The following EOLA1 variants were observed in gnomAD, a reference collection of about 807,000 sequenced individuals.
The protein encoded by EOLA1 is protein EOLA1.
A neutral mutation model predicts 4.5 loss-of-function variants in EOLA1; 1 was observed. That is an observed-to-expected ratio of 0.22 (90% CI 0.08 to 1.05). EOLA1 has a LOEUF of 1.05. EOLA1 is among the 50% of genes least tolerant of loss of function. The pLI, the probability that EOLA1 is intolerant of heterozygous loss-of-function variation, is 0.57. For missense variants in EOLA1, 69 were observed against 127.2 expected (o/e 0.54, Z 2.20); for synonymous variants, 37 against 52.3 (o/e 0.71, Z 1.26).
chrX:149,543,931 C>T (rs1422690277), intron 2 of EOLA1, among the ~76,000 whole-genome samples: 2 of 47,303 alleles, frequency 4.2e-5, no homozygotes, highest in African/African-American at 1.8e-4. Flanking sequence ...GGCATGAGGC[C>T]GGCCATGGGT....
intron 2 of EOLA1, chrX:149,545,034 G>T: frequency 1.5e-6 from 1 of 687,952 alleles, no homozygotes. Flanking sequence ...ATGTCTGACT[G>T]AGGGCCATCT....
At chrX:149,541,500 T>G (rs2089727955) in intron 1 of EOLA1, 157 bp downstream of exon 1, 1 of 112,615 alleles carries the variant, frequency 8.9e-6, no homozygotes, top group Non-Finnish European at 1.9e-5. Flanking sequence ...AGAAAGCCCG[T>G]GTACTGCTCC....
At chrX:149,549,164 C>T (rs1557348474), downstream of EOLA1, among the ~76,000 whole-genome samples, 1 of 111,533 alleles carries the variant, frequency 9.0e-6, no homozygotes, top group Non-Finnish European at 1.9e-5. Flanking sequence ...ATGATGCTTA[C>T]ATTATCTCTA....
chrX:149,550,155 TC>T (rs1341507655), downstream of EOLA1: 1 of 89,395 alleles, frequency 1.1e-5, no homozygotes, highest in African/African-American at 4.3e-5. Flanking sequence ...TGGTTCAAGT[TC>T]CCAGAAAAGT....
intron 4 of EOLA1, 25 bp from the exon 5 acceptor site, chrX:149,546,714 C>G (rs374116725): frequency 1.7e-6 from 2 of 1,175,756 alleles, no homozygotes; most frequent in Non-Finnish European, 2.3e-6. Flanking sequence ...GAAAGGCATT[C>G]ATGTGTATCT....
Position 149,547,012 on chromosome X carries a change from G to C in EOLA1, c.*50G>C. The C allele has an allele frequency of 1.7e-6, 2 of 1,206,279 alleles. No individual in the cohort carries two copies. Among genetic ancestry groups the C allele is most frequent in the Non-Finnish European group, 1.1e-6 (1 of 892,023 alleles). ...GTTCCAGAGAAACCAGCTAAATCAT[G>C]ACACCTTCAATTTGCCATCATGACG... is the stretch of plus-strand genomic sequence containing the variant. On this transcript the variant is annotated 3_prime_UTR_variant, in exon 5 of 5. Transcript: ENST00000393985.
chrX:149,550,361 T>TG (rs2089903320), downstream of EOLA1: 1 of 64,615 alleles, frequency 1.5e-5, no homozygotes, highest in Non-Finnish European at 2.7e-5. Flanking sequence ...GGACCCCTCA[T>TG]GGGTGACTGC....
At chrX:149,554,120 CTT>C (rs2089915337), downstream of EOLA1, among the ~76,000 whole-genome samples, 4 of 53,928 alleles carry the variant, frequency 7.4e-5, no homozygotes, top group Admixed American at 4.9e-4. Context: ...GGGAGGGTGC[CTT>C]GTTGACCATG....
chrX:149,548,072 T>C lies in EOLA1; in HGVS notation c.*1110T>C, dbSNP rs1474019423. On this transcript the variant is annotated 3_prime_UTR_variant, in exon 5 of 5. Coordinates refer to ENST00000393985, the MANE Select transcript of EOLA1 (RefSeq NM_001171907.3). ...CTTCCTAGCAACATCCTTTGCTGAG[T>C]GTGTGAAAATGCTGCTTCTCCAAAT... is the stretch of plus-strand genomic sequence containing the variant. The C allele has an allele frequency of 2.0e-5, 3 of 146,903 alleles. No individual in the cohort carries two copies. The highest frequency in any genetic ancestry group is 3.4e-5 in the African/African-American group (1 of 29,082). 12.1% of individuals were successfully genotyped at this position (146,903 alleles called of 1,213,427 possible).
Position 149,541,211 on chromosome X carries a change from G to A in EOLA1, c.-362G>A, listed in dbSNP as rs1291044482. ...GCAGAGGACTGTTCATTCCTGTGGC[G>A]AAAAGCCGGAGTCGGCCCTAGACAC... is the stretch of plus-strand genomic sequence containing the variant. On this transcript the variant is annotated 5_prime_UTR_variant, in exon 1 of 5. Coordinates refer to ENST00000393985, the MANE Select transcript of EOLA1 (RefSeq NM_001171907.3). The A allele has an allele frequency of 2.7e-5, 3 of 113,158 alleles. No homozygotes were observed. Among genetic ancestry groups the A allele is most frequent in the Admixed American group, 9.3e-5 (1 of 10,717 alleles). The allele number at this position is 113,158 out of a possible 1,213,427, so 9.3% of individuals were successfully genotyped here. A position where few individuals can be genotyped will look rare whatever the true frequency, so the allele number is the denominator to read the frequency against.
At position 149,545,881 on chromosome X, in the gene EOLA1, C is replaced by T; in HGVS notation, c.251C>T (p.Ala84Val). 6 of 1,205,113 alleles carry T rather than the reference C, an allele frequency of 5.0e-6. No homozygotes were observed. The highest frequency in any genetic ancestry group is 5.6e-6 in the Non-Finnish European group (5 of 890,383). ...GAAAAGTTTGGTCGAGGAGTGATAG[C>T]GGGTAAGTGACAATGTACCAAATGC... ...KGEKFGRGVIAGLVDIGETLQ... is the reference protein window; with the variant it reads ...KGEKFGRGVIVGLVDIGETLQ... The change falls in exon 4 of 5, where the codon GCG becomes GTG. Residue 84 changes from alanine (A) to valine (V), a missense_variant and splice_region_variant. Coordinates refer to ENST00000393985, the MANE Select transcript of EOLA1 (RefSeq NM_001171907.3).
intron 4 of EOLA1, among the ~76,000 whole-genome samples, chrX:149,546,229 AAGC>A (rs1184288284): frequency 2.0e-5 from 2 of 99,241 alleles, no homozygotes; most frequent in Non-Finnish European, 4.1e-5. Context: ...AGACCATGAA[AAGC>A]AGCCCAGCCC....
downstream of EOLA1, chrX:149,549,333 G>T (rs2089895563): frequency 8.9e-7 from 1 of 1,127,351 alleles, no homozygotes; most frequent in Non-Finnish European, 1.2e-6. Context: ...GTTTGAGAAA[G>T]AGAGAAAAGG....
In EOLA1 at chrX:149,548,228, A is replaced by C. The variant is rs2089885037; in HGVS notation, c.*1266A>C. ...ACAACAGTTCTCATTTAAATTGTTT[A>C]TTATTTATTTCCATGGAATTTTGTT... On this transcript the variant is annotated 3_prime_UTR_variant, in exon 5 of 5. Transcript: ENST00000393985. 1 of 372,922 alleles carries C rather than the reference A, an allele frequency of 2.7e-6. No individual in the cohort carries two copies. The highest frequency in any genetic ancestry group is 4.1e-6 in the Non-Finnish European group (1 of 242,976). The allele number at this position is 372,922 out of a possible 1,213,427, so 30.7% of individuals were successfully genotyped here. A position where few individuals can be genotyped will look rare whatever the true frequency, so the allele number is the denominator to read the frequency against.
rs185536518 is a variant in EOLA1, at chrX:149,541,034, A to T, written c.-539A>T. ...AGCGGAAGAGTTATAGACCGCTAACACCTGTCACTGGCCACTGGTTTCCCG... is the reference window on the plus strand; with the variant it reads ...AGCGGAAGAGTTATAGACCGCTAACTCCTGTCACTGGCCACTGGTTTCCCG... On this transcript the variant is annotated 5_prime_UTR_variant, in exon 1 of 5. Transcript: ENST00000393985. 1 of 112,736 alleles carries T rather than the reference A, an allele frequency of 8.9e-6. No individual in the cohort carries two copies. The highest frequency in any genetic ancestry group is 2.8e-4 in the East Asian group (1 of 3,566). The allele number at this position is 112,736 out of a possible 1,213,427, so 9.3% of individuals were successfully genotyped here.
chrX:149,545,057 C>T (rs781858639), intron 2 of EOLA1: 47 of 686,963 alleles, frequency 6.8e-5, no homozygotes, highest in Admixed American at 9.0e-5. Context: ...GGTCACGGTG[C>T]ATCCTGAGGA....
At position 149,547,667 on chromosome X, in the gene EOLA1, A is replaced by C. The variant is rs1191878050; in HGVS notation, c.*705A>C. On this transcript the variant is annotated 3_prime_UTR_variant, in exon 5 of 5. Coordinates refer to ENST00000393985, the MANE Select transcript of EOLA1 (RefSeq NM_001171907.3). ...GAAATGTGATCAGTAGTGTTGTTTT[A>C]TTTTGTAGTAATTTTTTTTTTTTTT... 1 of 693,488 alleles carries C rather than the reference A, an allele frequency of 1.4e-6. No individual in the cohort carries two copies. The highest frequency in any genetic ancestry group is 1.7e-6 in the Non-Finnish European group (1 of 599,527). 57.2% of individuals were successfully genotyped at this position (693,488 alleles called of 1,213,427 possible).
In EOLA1 at chrX:149,543,687, C is replaced by T. The variant is rs1175243425; in HGVS notation, c.-163+1602C>T. ...AGAGCAGCTAGGTCTGGGGCAGGAA[C>T]GCTGTAGCTGGTGATGCCACTCACA... On this transcript the variant is annotated intron_variant, in intron 2 of 4. Transcript: ENST00000393985. Among the ~76,000 whole-genome samples, 4 of 88,779 alleles carry T rather than the reference C, an allele frequency of 4.5e-5. 1 individual carries two copies. Among genetic ancestry groups the T allele is most frequent in the Middle Eastern group, 0.012 (2 of 163 alleles). 77.1% of individuals were successfully genotyped at this position (88,779 alleles called of 115,157 possible).
Position 149,546,805 on chromosome X carries a change from T to C in EOLA1, c.320T>C (p.Leu107Pro). 2 of 1,211,406 alleles carry C rather than the reference T, an allele frequency of 1.7e-6. No individual in the cohort carries two copies. The highest frequency in any genetic ancestry group is 2.2e-6 in the Non-Finnish European group (2 of 895,325). ...TTAACTCCCGATGAGGTTGTGGAAC[T>C]AGAAAATCAAGCTGTACTGACCAAC... ...EDLTPDEVVE[L>P]ENQAVLTNLK... Residue 107 changes from leucine (L) to proline (P), a missense_variant, in exon 5 of 5, where the codon CTA becomes CCA. Transcript: ENST00000393985.
Sources: allele counts gnomAD v4.1 joint callset (sites outside exome capture counted in the v4.1 genomes callset), GRCh38; gene constraint gnomAD v4.1.1; transcripts MANE v1.5; gene names NCBI Gene and HGNC (gene_info 2026-07-23, HGNC 2026-07-21).